Variants in OCRL observed in about 807,000 individuals in gnomAD.
OCRL encodes inositol polyphosphate 5-phosphatase OCRL.
In OCRL, 8 loss-of-function variants were observed where a neutral mutation model predicts 78.9. The observed-to-expected ratio is 0.10, with a 90% CI of 0.06 to 0.18. The LOEUF (loss-of-function observed/expected upper bound fraction) is 0.18. Among genes scored for constraint, OCRL ranks in the 10% least tolerant of loss-of-function variants. The probability of loss-of-function intolerance (pLI) is 1.00; values close to 1 mark genes in which losing one functional copy is unlikely to be tolerated. For synonymous variants in OCRL, 240 were observed against 235.4 expected (o/e 1.02, Z -0.18); for missense variants, 454 against 696.7 (o/e 0.65, Z 3.92).
At chrX:129,544,300 T>C (rs1477216133) in intron 2 of OCRL, among the ~76,000 whole-genome samples, 1 of 111,197 alleles carries the variant, frequency 9.0e-6, no homozygotes, top group East Asian at 2.8e-4. Context: ...GGTTTACTCA[T>C]GTTTATGTAG....
At chrX:129,558,804 A>G (rs779503525) in intron 7 of OCRL, 36 bp from the exon 8 acceptor site, 50 of 1,210,688 alleles carry the variant, frequency 4.1e-5, no homozygotes, top group Non-Finnish European at 5.5e-5. Flanking sequence ...TATAGTTTAA[A>G]CAATTTTACT....
At chrX:129,546,912 C>G (rs1935885997) in intron 3 of OCRL, among the ~76,000 whole-genome samples, 1 of 111,199 alleles carries the variant, frequency 9.0e-6, no homozygotes, top group Admixed American at 9.6e-5. Flanking sequence ...TATTTCCTGA[C>G]CCCTGCATCT....
chrX:129,578,831 T>G (rs1936404872), intron 18 of OCRL, among the ~76,000 whole-genome samples: 1 of 111,021 alleles, frequency 9.0e-6, no homozygotes, highest in South Asian at 3.8e-4. Flanking sequence ...AATTACAGAA[T>G]TTCTGAGTTT....
rs757645537 is a variant in OCRL at position 129,584,324 on chromosome X, T to C, written c.2116-20T>C. The C allele has an allele frequency of 1.7e-6, 2 of 1,203,199 alleles. No homozygotes were observed. Among genetic ancestry groups the C allele is most frequent in the Non-Finnish European group, 2.3e-6 (2 of 887,582 alleles). ...CATATTCTGTCTGTCAATGACTTTCTTTTCCTGCTCCGCTCTCAGGAAGAA... is the reference window on the plus strand; with the variant it reads ...CATATTCTGTCTGTCAATGACTTTCCTTTCCTGCTCCGCTCTCAGGAAGAA... On this transcript the variant is annotated intron_variant, in intron 18 of 23. Coordinates refer to ENST00000371113, the MANE Select transcript of OCRL (RefSeq NM_000276.4).
At chrX:129,564,481 A>C (rs1396048012) in intron 12 of OCRL, among the ~76,000 whole-genome samples, 4 of 111,011 alleles carry the variant, frequency 3.6e-5, no homozygotes, top group Admixed American at 9.5e-5. Context: ...CAAATGTCCA[A>C]CAATGATAGA....
intron 19 of OCRL, among the ~76,000 whole-genome samples, chrX:129,585,410 T>C (rs1936498224): frequency 8.9e-6 from 1 of 112,401 alleles, no homozygotes; most frequent in African/African-American, 3.2e-5. Flanking sequence ...AAAGCTCCAG[T>C]TGGATGTCAG....
At position 129,540,295 on chromosome X, in the gene OCRL, C is replaced by A; in HGVS notation, c.-145C>A. 1.6e-6 allele frequency: 1 copy of A among 640,780 alleles called. No individual in the cohort carries two copies. Among genetic ancestry groups the A allele is most frequent in the Non-Finnish European group, 2.4e-6 (1 of 411,133 alleles). 52.8% of individuals were successfully genotyped at this position (640,780 alleles called of 1,213,427 possible). A position where few individuals can be genotyped will look rare whatever the true frequency, so the allele number is the denominator to read the frequency against. The stretch of plus-strand genomic sequence containing the variant: ...CAGATTCTCAGCTCCCAGCTCCCCG[C>A]TCCCGGCTCCCGGCGCCCGGCGCCC... On this transcript the variant is annotated 5_prime_UTR_variant, in exon 1 of 24. Transcript: ENST00000371113.
intron 12 of OCRL, among the ~76,000 whole-genome samples, 160 bp downstream of exon 12, chrX:129,562,946 T>C (rs772797530): frequency 9.0e-6 from 1 of 111,654 alleles, no homozygotes; most frequent in South Asian, 3.8e-4. Context: ...AACAGAATCA[T>C]TGAGGCAGAG....
In OCRL at chrX:129,546,890, T is replaced by C. The variant is rs767921009; in HGVS notation, c.200-1673T>C. Among the ~76,000 whole-genome samples the C allele has an allele frequency of 3.6e-5, 4 of 111,167 alleles. No homozygotes were observed. The South Asian group carries it at 1.5e-3, about 43-fold the overall frequency. On this transcript the variant is annotated intron_variant, in intron 3 of 23. Coordinates refer to ENST00000371113, the MANE Select transcript of OCRL (RefSeq NM_000276.4). ...CTAAAGGAAGACTTACTTTTGATTT[T>C]CATCTCCTTTCTATTTCCTGACCCC...
intron 18 of OCRL, among the ~76,000 whole-genome samples, chrX:129,579,674 C>T (rs1936417155): frequency 8.9e-6 from 1 of 111,961 alleles, no homozygotes; most frequent in African/African-American, 3.2e-5. Flanking sequence ...CATTTGTAAT[C>T]ATCTTTATTG....
chrX:129,589,399 A>G (rs1015194902), intron 22 of OCRL: 2 of 272,718 alleles, frequency 7.3e-6, no homozygotes, highest in Admixed American at 5.6e-5. Flanking sequence ...ATTTTAATGC[A>G]CAGTAGCTGA....
intron 3 of OCRL, among the ~76,000 whole-genome samples, chrX:129,546,851 G>A (rs1396492086): frequency 9.0e-6 from 1 of 111,567 alleles, no homozygotes; most frequent in Non-Finnish European, 1.9e-5. Flanking sequence ...CACATGTAAC[G>A]TAGTTCCCCA....
intron 8 of OCRL, 93 bp from the exon 9 acceptor site, chrX:129,560,457 G>T: frequency 1.8e-6 from 1 of 557,684 alleles, no homozygotes. Context: ...AGCATATTGT[G>T]AACATACCTT....
In OCRL at chrX:129,591,998, C is replaced by G. The variant is rs932310661; in HGVS notation, c.*1728C>G. Reference sequence around the variant, plus strand: ...TACCTTTCCTGGGCTTGTTTTCTAGCATATCACTGACCTGGGATCTTTGGG... The same window carrying G: ...TACCTTTCCTGGGCTTGTTTTCTAGGATATCACTGACCTGGGATCTTTGGG... On this transcript the variant is annotated 3_prime_UTR_variant, in exon 24 of 24. Transcript: ENST00000371113. 1 of 114,222 alleles carries G rather than the reference C, an allele frequency of 8.8e-6. No homozygotes were observed. Among genetic ancestry groups the G allele is most frequent in the African/African-American group, 3.2e-5 (1 of 30,830 alleles). 9.4% of individuals were successfully genotyped at this position (114,222 alleles called of 1,213,427 possible).
chrX:129,559,043 A>G (rs369172839), intron 8 of OCRL, 42 bp downstream of exon 8: 19 of 1,122,329 alleles, frequency 1.7e-5, no homozygotes, highest in African/African-American at 3.6e-5. Flanking sequence ...AAGTTAGTAT[A>G]TATAACAGAC....
intron 18 of OCRL, among the ~76,000 whole-genome samples, chrX:129,582,263 G>A (rs980779226): frequency 2.2e-4 from 24 of 111,231 alleles, no homozygotes; most frequent in African/African-American, 3.9e-4. Flanking sequence ...TTGAGAACTC[G>A]TATTCATGAA....
At chrX:129,589,774 C>A in intron 22 of OCRL, 71 bp from the exon 23 acceptor site, 1 of 706,576 alleles carries the variant, frequency 1.4e-6, no homozygotes. Flanking sequence ...ACTATTACAG[C>A]AGCTGTAAGT....
intron 6 of OCRL, 137 bp downstream of exon 6, chrX:129,558,087 C>T (rs1488426413): frequency 1.9e-6 from 1 of 524,280 alleles, no homozygotes; most frequent in African/African-American, 2.3e-5. Flanking sequence ...CAAGTCCAGG[C>T]CCACTGACCA....
chrX:129,565,633 T>A (rs1936207364), intron 12 of OCRL, 139 bp from the exon 13 acceptor site: 1 of 492,632 alleles, frequency 2.0e-6, no homozygotes, highest in African/African-American at 2.4e-5. Context: ...CTCAAAGGAT[T>A]AGTTACAACT....
Sources: allele counts gnomAD v4.1 joint callset (sites outside exome capture counted in the v4.1 genomes callset), GRCh38; gene constraint gnomAD v4.1.1; transcripts MANE v1.5; gene names NCBI Gene and HGNC (gene_info 2026-07-23, HGNC 2026-07-21).